PPP1R21: variants seen among roughly 807,000 people sequenced by gnomAD.
PPP1R21 encodes KLRAQ motif containing 1.
In PPP1R21, 85 loss-of-function variants were observed where a neutral mutation model predicts 112.8. That is an observed-to-expected ratio of 0.75 (90% CI 0.63 to 0.90). The LOEUF is 0.90. Ranked by LOEUF, PPP1R21 falls within the 40% of genes least tolerant of loss-of-function variation. The pLI is 0.00. For missense variants in PPP1R21, 1,199 were observed against 901.5 expected, an observed-to-expected ratio of 1.33 and a Z score of -4.23; for synonymous variants, 381 against 322.3, an observed-to-expected ratio of 1.18 and a Z score of -1.95.
intron 9 of PPP1R21, among the ~76,000 whole-genome samples, chr2:48,467,158 G>T (rs547670144): frequency 3.3e-5 from 5 of 152,216 alleles, no homozygotes; most frequent in Admixed American, 3.3e-4. Context: ...TGCTTATCCA[G>T]TTGAGCTTGG....
In PPP1R21 at chr2:48,465,650, T is replaced by C. The variant is rs769716153; in HGVS notation, c.897+8T>C. On this transcript the variant is annotated splice_region_variant and intron_variant, in intron 9 of 21. Transcript: ENST00000294952. ...TCTCCATTGAATCAGAAGGTAAATT[T>C]AATTCAGGATACATTTTGTTTGCCC... The C allele has an allele frequency of 1.2e-6, 2 of 1,609,076 alleles. No individual in the cohort carries two copies. The highest frequency in any genetic ancestry group is 1.7e-6 in the Non-Finnish European group (2 of 1,178,376).
At chr2:48,441,924 T>A (rs1667048376) in intron 1 of PPP1R21, among the ~76,000 whole-genome samples, 1 of 152,238 alleles carries the variant, frequency 6.6e-6, no homozygotes. Context: ...TGAGACACAT[T>A]TTATTCCTTA....
In PPP1R21 at chr2:48,491,297, G is replaced by T. The variant is rs980815157; in HGVS notation, c.1599+127G>T. The T allele has an allele frequency of 1.1e-4, 112 of 1,024,676 alleles. 2 individuals carry two copies. The East Asian group carries it at 3.0e-3, about 27-fold the overall frequency. The allele number at this position is 1,024,676 out of a possible 1,614,324, so 63.5% of individuals were successfully genotyped here. The stretch of plus-strand genomic sequence containing the variant: ...CGATATTGGGGTACAGGTTGTTGGT[G>T]GGTGTTGGGGGAGGGCTGTGGGGAA... On this transcript the variant is annotated intron_variant, in intron 15 of 21. Transcript: ENST00000294952.
intron 16 of PPP1R21, among the ~76,000 whole-genome samples, chr2:48,497,442 C>G (rs1266356647): frequency 1.3e-5 from 2 of 152,180 alleles, no homozygotes; most frequent in African/African-American, 4.8e-5. Context: ...CCAAAGGTAA[C>G]CATTCTCCTG....
intron 11 of PPP1R21, 115 bp downstream of exon 11, chr2:48,471,482 A>C (rs973183793): frequency 1.9e-6 from 2 of 1,060,596 alleles, no homozygotes. Flanking sequence ...TTTCTGCTTC[A>C]CAGTTAATTT....
At chr2:48,477,940 C>G (rs1044327039) in intron 12 of PPP1R21, among the ~76,000 whole-genome samples, 1 of 152,140 alleles carries the variant, frequency 6.6e-6, no homozygotes, top group Non-Finnish European at 1.5e-5. Context: ...TGAGGTCATA[C>G]TGGATTAAAG....
chr2:48,502,666 A>G (rs570137274), intron 17 of PPP1R21, among the ~76,000 whole-genome samples: 1 of 149,714 alleles, frequency 6.7e-6, no homozygotes, highest in African/African-American at 2.5e-5. Context: ...AACCTCAGAT[A>G]GAAACTTTTC....
chr2:48,460,882 G>GT (rs1400187963), intron 6 of PPP1R21, among the ~76,000 whole-genome samples: 1 of 152,238 alleles, frequency 6.6e-6, no homozygotes, highest in African/African-American at 2.4e-5. Context: ...GGAAATAAAT[G>GT]TAAGGTTGGC....
chr2:48,493,665 A>T (rs1669672433), intron 15 of PPP1R21, among the ~76,000 whole-genome samples: 1 of 152,228 alleles, frequency 6.6e-6, no homozygotes, highest in African/African-American at 2.4e-5. Flanking sequence ...TAAGATGTCA[A>T]AGAAGGATCT....
intron 2 of PPP1R21, among the ~76,000 whole-genome samples, chr2:48,451,904 C>G (rs1251919331): frequency 3.3e-5 from 5 of 152,142 alleles, no homozygotes; most frequent in African/African-American, 1.2e-4. Context: ...CAGAAATTGT[C>G]CTTTTACGTA....
At position 48,474,773 on chromosome 2, in the gene PPP1R21, T is replaced by G. The variant is rs764058864; in HGVS notation, c.1179T>G (p.Ala393=). The G allele has an allele frequency of 6.2e-7, 1 of 1,613,690 alleles. No individual in the cohort carries two copies. Among genetic ancestry groups the G allele is most frequent in the East Asian group, 2.2e-5 (1 of 44,868 alleles). ...ELSQDMKKMT[A]VFEKLQTYIA... ...CCCAGGACATGAAAAAAATGACAGC[T>G]GTGTTTGAGAAGCTGCAGACTTACA... is the stretch of plus-strand genomic sequence containing the variant. Residue 393 remains alanine, a synonymous_variant, in exon 12 of 22, where the codon GCT becomes GCG. Coordinates refer to ENST00000294952, the MANE Select transcript of PPP1R21 (RefSeq NM_001135629.3).
At chr2:48,485,052 G>A (rs567509213) in intron 13 of PPP1R21, among the ~76,000 whole-genome samples, 1 of 152,234 alleles carries the variant, frequency 6.6e-6, no homozygotes, top group South Asian at 2.1e-4. Context: ...AAAGCATTCA[G>A]TACTTACAGA....
chr2:48,482,939 C>G (rs369801847), intron 13 of PPP1R21, among the ~76,000 whole-genome samples: 1 of 152,062 alleles, frequency 6.6e-6, no homozygotes, highest in African/African-American at 2.4e-5. Context: ...CTCCTCCCAT[C>G]CCCCACCCTC....
chr2:48,481,896 A>G (rs1268301553), intron 13 of PPP1R21, among the ~76,000 whole-genome samples: 3 of 152,326 alleles, frequency 2.0e-5, no homozygotes, highest in Non-Finnish European at 4.4e-5. Flanking sequence ...GTTGCAGTCA[A>G]AACTTAGTTT....
chr2:48,509,994 G>T lies in PPP1R21; in HGVS notation c.2086-21G>T, dbSNP rs750951023. On this transcript the variant is annotated intron_variant, in intron 19 of 21. Transcript: ENST00000294952. ...TTAGAAAGTGCTCCCTCTAGTAATG[G>T]AATGTTTTCTGATTTTACAGTGCCG... The T allele has an allele frequency of 3.2e-6, 5 of 1,563,720 alleles. No individual in the cohort carries two copies. In the African/African-American group the frequency reaches 5.5e-5, roughly 17 times the overall value.
At position 48,514,717 on chromosome 2, in the gene PPP1R21, G is replaced by T; in HGVS notation, c.2316G>T (p.Gly772=). 1 of 1,604,308 alleles carries T rather than the reference G, an allele frequency of 6.2e-7. No individual in the cohort carries two copies. Residue 772 remains glycine (G), a splice_region_variant and synonymous_variant, in exon 22 of 22, where the codon GGG becomes GGT. Transcript: ENST00000294952. ...EIDTLKMSSK[G]NSKKNKSR is the part of the protein sequence containing the mutation. The stretch of plus-strand genomic sequence containing the variant: ...TGTTGATATTTTTCTTTGCACAGGG[G>T]AATTCTAAAAAGAACAAGAGTCGAT...
intron 14 of PPP1R21, among the ~76,000 whole-genome samples, chr2:48,487,752 C>T (rs990629127): frequency 6.0e-5 from 9 of 149,184 alleles, no homozygotes; most frequent in African/African-American, 2.2e-4. Context: ...CAGAGCAAGA[C>T]CCTATCTCAA....
At chr2:48,488,409 C>G (rs1669407256) in intron 14 of PPP1R21, among the ~76,000 whole-genome samples, 1 of 151,380 alleles carries the variant, frequency 6.6e-6, no homozygotes, top group Non-Finnish European at 1.5e-5. Flanking sequence ...CTCTGTTGCC[C>G]AGGTTGGAGT....
chr2:48,495,568 A>C (rs1307146306), intron 15 of PPP1R21, 111 bp from the exon 16 acceptor site: 1 of 653,314 alleles, frequency 1.5e-6, no homozygotes, highest in South Asian at 1.9e-5. Flanking sequence ...CTGCTTTGAC[A>C]TACATCTGAA....
Sources: gnomAD v4.1 joint callset for allele counts (sites outside exome capture counted in the v4.1 genomes callset) on GRCh38, gnomAD v4.1.1 for gene constraint, MANE v1.5 for transcripts, NCBI Gene and HGNC (gene_info 2026-07-23, HGNC 2026-07-21) for gene names.